The following IGF2BP2 variants were observed in gnomAD, a reference collection of about 807,000 sequenced individuals.
The protein encoded by IGF2BP2 is insulin like growth factor 2 mRNA binding protein 2, also known as insulin-like growth factor 2 mRNA-binding protein 2.
In IGF2BP2, 17 loss-of-function variants were observed where a neutral mutation model predicts 75.8. The ratio of observed to expected loss-of-function variants is 0.22; its 90% confidence interval spans 0.15 to 0.34. The LOEUF (loss-of-function observed/expected upper bound fraction) is 0.34, where lower values mean the gene tolerates loss of function less well. IGF2BP2 is among the 10% of genes least tolerant of loss of function. The probability of loss-of-function intolerance (pLI) is 1.00; values close to 1 mark genes in which losing one functional copy is unlikely to be tolerated. For missense variants in IGF2BP2, 516 were observed against 772.4 expected (o/e 0.67, Z 3.93); for synonymous variants, 288 against 295.6 (o/e 0.97, Z 0.26).
chr3:185,757,225 C>G (rs1293505686), intron 2 of IGF2BP2, among the ~76,000 whole-genome samples: 1 of 152,176 alleles, frequency 6.6e-6, no homozygotes, highest in African/African-American at 2.4e-5. Flanking sequence ...CAAATCCAAC[C>G]TCTTCTACAA....
rs557674813 is a variant in IGF2BP2, at chr3:185,806,130, T to C, written c.239+17023A>G. Among the ~76,000 whole-genome samples, 225 of 152,172 alleles carry C rather than the reference T, an allele frequency of 1.5e-3. 1 individual carries two copies. The highest frequency in any genetic ancestry group is 5.3e-3 in the African/African-American group (222 of 41,518). On this transcript the variant is annotated intron_variant, in intron 2 of 15. Coordinates refer to ENST00000382199, the MANE Select transcript of IGF2BP2 (RefSeq NM_006548.6). ...AATGTGAAGTAAATCTTAAACTCAG[T>C]CTGCCCACTGAAGACAGTCAGGGAG...
At chr3:185,690,131 A>C (rs1225680324) in intron 5 of IGF2BP2, among the ~76,000 whole-genome samples, 1 of 152,188 alleles carries the variant, frequency 6.6e-6, no homozygotes, top group Non-Finnish European at 1.5e-5. Flanking sequence ...TAAACAAGTA[A>C]TCACAACGCA....
chr3:185,751,005 T>G (rs1371709772), intron 2 of IGF2BP2, among the ~76,000 whole-genome samples: 1 of 151,924 alleles, frequency 6.6e-6, no homozygotes, highest in Non-Finnish European at 1.5e-5. Flanking sequence ...TCACCTGAGG[T>G]TAGGAGTTTG....
Position 185,675,756 on chromosome 3 carries a change from T to C in IGF2BP2, c.935+35A>G, listed in dbSNP as rs1383835603. The C allele has an allele frequency of 3.7e-6, 6 of 1,607,382 alleles. No individual in the cohort carries two copies. The East Asian group carries it at 1.3e-4, about 36-fold the overall frequency. ...CGTATCGAAATGCTCAGGTGTTCCA[T>C]TATTGGGCATGAGTAATCTGAGTAA... On this transcript the variant is annotated intron_variant, in intron 8 of 15. Coordinates refer to ENST00000382199, the MANE Select transcript of IGF2BP2 (RefSeq NM_006548.6).
intron 2 of IGF2BP2, among the ~76,000 whole-genome samples, chr3:185,739,937 C>A (rs966727534): frequency 8.0e-5 from 11 of 138,088 alleles, no homozygotes; most frequent in African/African-American, 3.0e-4. Flanking sequence ...GTCACTGCAG[C>A]CCTGACTTCC....
At chr3:185,742,136 G>C (rs1394033443) in intron 2 of IGF2BP2, among the ~76,000 whole-genome samples, 1 of 150,494 alleles carries the variant, frequency 6.6e-6, no homozygotes, top group East Asian at 1.9e-4. Flanking sequence ...TTTTTAAAAA[G>C]TGAAATAAGT....
chr3:185,668,863 A>C (rs1233099307), intron 10 of IGF2BP2, among the ~76,000 whole-genome samples: 3 of 152,080 alleles, frequency 2.0e-5, no homozygotes, highest in Non-Finnish European at 4.4e-5. Context: ...CAATCCCCTA[A>C]TGTAGGTACT....
At chr3:185,646,267 G>C (rs969307828) in intron 15 of IGF2BP2, among the ~76,000 whole-genome samples, 1 of 152,174 alleles carries the variant, frequency 6.6e-6, no homozygotes, top group South Asian at 2.1e-4. Flanking sequence ...GGCACTGGGC[G>C]GGGGGTGCGT....
At chr3:185,704,741 C>T (rs923991378) in intron 2 of IGF2BP2, among the ~76,000 whole-genome samples, 5 of 151,974 alleles carry the variant, frequency 3.3e-5, no homozygotes, top group South Asian at 2.1e-4. Flanking sequence ...TGAGCCACCA[C>T]GCCAGCCCAA....
intron 2 of IGF2BP2, among the ~76,000 whole-genome samples, chr3:185,812,814 G>A (rs1380549293): frequency 6.6e-6 from 1 of 152,122 alleles, no homozygotes; most frequent in African/African-American, 2.4e-5. Context: ...CATCTCCTTG[G>A]AATCCTAAGG....
At chr3:185,726,188 G>A (rs750215216) in intron 2 of IGF2BP2, among the ~76,000 whole-genome samples, 3 of 152,116 alleles carry the variant, frequency 2.0e-5, no homozygotes, top group Admixed American at 6.6e-5. Context: ...ATGCTACAGA[G>A]AGGTGAAAGA....
In IGF2BP2 at chr3:185,677,044, G is replaced by GATATATATTTATATATATAT. The variant is rs1199843330; in HGVS notation, c.813-1132_813-1131insATATATATATAAATATATAT. On this transcript the variant is annotated intron_variant, in intron 7 of 15. Coordinates refer to ENST00000382199, the MANE Select transcript of IGF2BP2 (RefSeq NM_006548.6). Reference sequence around the variant, plus strand: ...GGAGAGAGATATATATATATATGGAGATATATATATATATATATATATATA... The same window carrying GATATATATTTATATATATAT: ...GGAGAGAGATATATATATATATGGAGATATATATTTATATATATATATATATATATATATATATATATATA... 5.0e-4 allele frequency among the ~76,000 whole-genome samples: 12 copies of GATATATATTTATATATATAT among 23,864 alleles called. 1 individual carries two copies. The highest frequency in any genetic ancestry group is 7.8e-4 in the Non-Finnish European group (12 of 15,344). The allele number at this position is 23,864 out of a possible 152,430, so 15.7% of individuals were successfully genotyped here. A position where few individuals can be genotyped will look rare whatever the true frequency, so the allele number is the denominator to read the frequency against.
At chr3:185,780,759 T>C (rs1470543126) in intron 2 of IGF2BP2, among the ~76,000 whole-genome samples, 7 of 152,192 alleles carry the variant, frequency 4.6e-5, no homozygotes, top group Non-Finnish European at 1.0e-4. Context: ...ATAATCATAA[T>C]AATATATTTT....
intron 2 of IGF2BP2, among the ~76,000 whole-genome samples, chr3:185,814,855 G>A (rs947914575): frequency 9.9e-5 from 15 of 152,068 alleles, no homozygotes; most frequent in East Asian, 9.6e-4. Flanking sequence ...ACTTTTTCAC[G>A]TGTCAAAGAG....
At chr3:185,692,664 T>C (rs1722098096) in intron 5 of IGF2BP2, 35 bp downstream of exon 5, 10 of 1,518,866 alleles carry the variant, frequency 6.6e-6, no homozygotes, top group Non-Finnish European at 9.1e-6. Flanking sequence ...TAAAAACAAA[T>C]AAATTTAAAC....
intron 2 of IGF2BP2, among the ~76,000 whole-genome samples, chr3:185,789,280 T>A (rs761439376): frequency 6.6e-6 from 1 of 152,186 alleles, no homozygotes; most frequent in Non-Finnish European, 1.5e-5. Flanking sequence ...CCTCAGGGTA[T>A]CATCTGTGTG....
At chr3:185,783,456 CAA>C (rs1165673066) in intron 2 of IGF2BP2, among the ~76,000 whole-genome samples, 3 of 152,154 alleles carry the variant, frequency 2.0e-5, no homozygotes, top group Non-Finnish European at 4.4e-5. Flanking sequence ...GAGGGCAGGA[CAA>C]AGAGTTCCCA....
intron 2 of IGF2BP2, among the ~76,000 whole-genome samples, chr3:185,808,545 T>A (rs955668595): frequency 8.5e-5 from 13 of 152,092 alleles, no homozygotes; most frequent in African/African-American, 3.1e-4. Context: ...ACAGAGCTTT[T>A]TTTAATTTTT....
chr3:185,671,535 CAAAA>C (rs397706922), intron 10 of IGF2BP2, among the ~76,000 whole-genome samples: 1 of 88,762 alleles, frequency 1.1e-5, no homozygotes, highest in Admixed American at 1.3e-4. Context: ...GACTCCATCT[CAAAA>C]AAAAAAAAAA....
Sources: gnomAD v4.1 joint callset for allele counts (sites outside exome capture counted in the v4.1 genomes callset) on GRCh38, gnomAD v4.1.1 for gene constraint, MANE v1.5 for transcripts, NCBI Gene and HGNC (gene_info 2026-07-23, HGNC 2026-07-21) for gene names.